Variants in MGAT4C observed in about 807,000 individuals in gnomAD.
The protein encoded by MGAT4C is alpha-1,3-mannosyl-glycoprotein 4-beta-N-acetylglucosaminyltransferase C.
MGAT4C carries 19 observed loss-of-function variants against 40.1 expected under a neutral mutation model. The observed-to-expected ratio is 0.47, with a 90% CI of 0.33 to 0.70. The LOEUF (loss-of-function observed/expected upper bound fraction) is 0.70. Ranked by LOEUF, MGAT4C falls within the 30% of genes least tolerant of loss-of-function variation. The probability of loss-of-function intolerance (pLI) is 0.02; values close to 1 mark genes in which losing one functional copy is unlikely to be tolerated. For synonymous variants in MGAT4C, 181 were observed against 187.1 expected, an observed-to-expected ratio of 0.97 and a Z score of 0.27; for missense variants, 491 against 563.2, an observed-to-expected ratio of 0.87 and a Z score of 1.30.
At chr12:86,650,723 T>C (rs142248975) in intron 2 of MGAT4C, among the ~76,000 whole-genome samples, 1,525 of 152,018 alleles carry the variant, frequency 0.01, 13 homozygotes, top group Non-Finnish European at 0.016. Flanking sequence ...AAAGCCCTCA[T>C]TGACTTAAGA....
intron 2 of MGAT4C, among the ~76,000 whole-genome samples, chr12:86,477,470 C>T (rs1304730009): frequency 6.6e-6 from 1 of 151,878 alleles, no homozygotes; most frequent in Admixed American, 6.6e-5. Context: ...GTGATAAGAT[C>T]ATTGGTACCC....
chr12:86,507,754 C>T (rs1565812945), intron 2 of MGAT4C, among the ~76,000 whole-genome samples: 1 of 152,082 alleles, frequency 6.6e-6, no homozygotes. Flanking sequence ...TTTACTGAAT[C>T]TTTGAGCAAA....
chr12:86,804,902 G>A (rs1952318816), intron 1 of MGAT4C, among the ~76,000 whole-genome samples: 2 of 151,972 alleles, frequency 1.3e-5, no homozygotes. Context: ...GGCGTCCTAA[G>A]TTTTGGATGT....
chr12:86,159,459 C>T (rs1238958449), intron 1 of MGAT4C, among the ~76,000 whole-genome samples: 1 of 151,222 alleles, frequency 6.6e-6, no homozygotes, highest in East Asian at 1.9e-4. Context: ...TGTCTATGTT[C>T]ATGAGGGATT....
chr12:86,418,590 C>CAATAAATA lies in MGAT4C; in HGVS notation c.-120+16559_-120+16566dup, dbSNP rs57242289. On this transcript the variant is annotated intron_variant, in intron 3 of 7. Transcript: ENST00000548651. ...TGGGCAACAGAGCAAGACTCCATCT[C>CAATAAATA]AATAAATAAATAAATAAATAAATAA... 9.4e-3 allele frequency among the ~76,000 whole-genome samples: 1,368 copies of CAATAAATA among 145,734 alleles called. 4 individuals are homozygous for CAATAAATA. The highest frequency in any genetic ancestry group is 0.025 in the Middle Eastern group (7 of 282).
intron 2 of MGAT4C, among the ~76,000 whole-genome samples, chr12:86,686,567 GC>G (rs1473797195): frequency 6.6e-6 from 1 of 152,064 alleles, no homozygotes; most frequent in Non-Finnish European, 1.5e-5. Flanking sequence ...TTTATCAAAG[GC>G]CTTTTCTGCA....
intron 4 of MGAT4C, among the ~76,000 whole-genome samples, chr12:86,278,170 T>C (rs1953123637): frequency 7.1e-6 from 1 of 140,262 alleles, no homozygotes; most frequent in Admixed American, 8.2e-5. Flanking sequence ...GATTAGTTTG[T>C]TGACTTCCTT....
At chr12:86,103,607 A>T (rs188654410) in intron 1 of MGAT4C, among the ~76,000 whole-genome samples, 2 of 152,264 alleles carry the variant, frequency 1.3e-5, no homozygotes, top group African/African-American at 2.4e-5. Flanking sequence ...TGGTAGCCAC[A>T]GGAAGCTGAT....
chr12:86,630,045 A>T (rs1301913642), intron 2 of MGAT4C, among the ~76,000 whole-genome samples: 1 of 152,180 alleles, frequency 6.6e-6, no homozygotes, highest in Non-Finnish European at 1.5e-5. Context: ...AATCAAATAG[A>T]TACAATAAAA....
At chr12:86,669,918 T>A in intron 2 of MGAT4C, among the ~76,000 whole-genome samples, 1 of 151,932 alleles carries the variant, frequency 6.6e-6, no homozygotes, top group East Asian at 1.9e-4. Flanking sequence ...GTATCAGATG[T>A]GCATAAGGAC....
chr12:86,271,027 A>C (rs987521393), intron 4 of MGAT4C, among the ~76,000 whole-genome samples: 1 of 152,214 alleles, frequency 6.6e-6, no homozygotes, highest in African/African-American at 2.4e-5. Flanking sequence ...ACAACAAATT[A>C]AAGATTTAAA....
intron 3 of MGAT4C, among the ~76,000 whole-genome samples, chr12:85,988,450 A>C (rs1885502687): frequency 6.6e-6 from 1 of 152,098 alleles, no homozygotes; most frequent in Admixed American, 6.5e-5. Flanking sequence ...TTAAGACACT[A>C]ATTTAAACTT....
rs545701687 is a variant in MGAT4C, at chr12:86,485,224, C to T, written c.-228-49959G>A. Among the ~76,000 whole-genome samples, 3 of 152,254 alleles carry T rather than the reference C, an allele frequency of 2.0e-5. No homozygotes were observed. In the East Asian group the frequency reaches 5.8e-4, roughly 29 times the overall value. On this transcript the variant is annotated intron_variant, in intron 2 of 7. Coordinates refer to the MGAT4C transcript ENST00000548651. Reference sequence around the variant, plus strand: ...CCAAATGAGTATGCTAGTTCTCCAGCAATGTTTCTTAACCAGACTGAAATG... The same window carrying T: ...CCAAATGAGTATGCTAGTTCTCCAGTAATGTTTCTTAACCAGACTGAAATG...
At chr12:86,536,320 C>T (rs1959067014) in intron 2 of MGAT4C, among the ~76,000 whole-genome samples, 1 of 152,008 alleles carries the variant, frequency 6.6e-6, no homozygotes, top group Non-Finnish European at 1.5e-5. Flanking sequence ...GCAATCTAAC[C>T]TTTGGAAGTG....
intron 1 of MGAT4C, among the ~76,000 whole-genome samples, chr12:86,239,143 G>A (rs1951671100): frequency 6.6e-6 from 1 of 151,860 alleles, no homozygotes; most frequent in Non-Finnish European, 1.5e-5. Flanking sequence ...TTAAAACTAG[G>A]TATATTCCAA....
chr12:86,065,464 G>A (rs1023130359), intron 1 of MGAT4C, among the ~76,000 whole-genome samples: 3 of 152,050 alleles, frequency 2.0e-5, no homozygotes, highest in African/African-American at 4.8e-5. Context: ...AAAACCACAT[G>A]ATTATCTCAA....
intron 1 of MGAT4C, among the ~76,000 whole-genome samples, chr12:86,081,642 C>A (rs1057041000): frequency 2.6e-5 from 4 of 152,016 alleles, no homozygotes; most frequent in Admixed American, 2.0e-4. Flanking sequence ...TGGGGGGTGA[C>A]AACTTAGTGA....
chr12:86,629,033 A>C (rs2136501667), intron 2 of MGAT4C, among the ~76,000 whole-genome samples: 1 of 152,232 alleles, frequency 6.6e-6, no homozygotes, highest in African/African-American at 2.4e-5. Flanking sequence ...AGACACACAT[A>C]GGCTCAAAAT....
At chr12:86,569,897 A>G (rs1177087191) in intron 2 of MGAT4C, among the ~76,000 whole-genome samples, 1 of 152,168 alleles carries the variant, frequency 6.6e-6, no homozygotes, top group Non-Finnish European at 1.5e-5. Context: ...AGACTATCTA[A>G]GACAATATGG....
Sources: gnomAD v4.1 joint callset for allele counts (sites outside exome capture counted in the v4.1 genomes callset) on GRCh38, gnomAD v4.1.1 for gene constraint, MANE v1.5 for transcripts, NCBI Gene and HGNC (gene_info 2026-07-23, HGNC 2026-07-21) for gene names.